C11orf65: variants seen among roughly 807,000 people sequenced by gnomAD.
C11orf65 encodes protein MFI.
C11orf65 carries 38 observed loss-of-function variants against 35.3 expected under a neutral mutation model. That is an observed-to-expected ratio of 1.08 (90% confidence interval 0.83 to 1.41). The LOEUF (loss-of-function observed/expected upper bound fraction) is 1.41, where lower values mean the gene tolerates loss of function less well. Among genes scored for constraint, C11orf65 ranks in the 40% most tolerant of loss-of-function variants. The pLI is 0.00. For missense variants in C11orf65, 370 were observed against 367.1 expected, an observed-to-expected ratio of 1.01 and a Z score of -0.06; for synonymous variants, 105 against 114.4, an observed-to-expected ratio of 0.92 and a Z score of 0.53.
Position 108,450,468 on chromosome 11 carries a change from T to C in C11orf65, c.81+11011A>G, listed in dbSNP as rs1172675895. On this transcript the variant is annotated intron_variant, in intron 2 of 8. Coordinates refer to ENST00000393084, the MANE Select transcript of C11orf65 (RefSeq NM_152587.5). ...CATAAAAAATGATGAGTTCATGACCTTTGTAGGAACATGGATAAAACTGGA... is the reference window on the plus strand; with the variant it reads ...CATAAAAAATGATGAGTTCATGACCCTTGTAGGAACATGGATAAAACTGGA... Among the ~76,000 whole-genome samples, 2 of 151,548 alleles carry C rather than the reference T, an allele frequency of 1.3e-5. 1 individual carries two copies. Among genetic ancestry groups the C allele is most frequent in the African/African-American group, 4.9e-5 (2 of 41,050 alleles).
Position 108,332,701 on chromosome 11 carries a change from C to T in C11orf65, c.300-1134G>A, listed in dbSNP as rs1414257483. ...TCTGTTTTTCTCTTTGTTTTTCTAA[C>T]TCTGAGAAGTTTAAATGTTGGGTAG... On this transcript the variant is annotated intron_variant, in intron 3 of 3. Transcript: ENST00000524755. The T allele has an allele frequency of 6.4e-6, 10 of 1,551,200 alleles. No individual in the cohort carries two copies. In the East Asian group the frequency reaches 2.3e-4, roughly 35 times the overall value.
intron 2 of C11orf65, among the ~76,000 whole-genome samples, chr11:108,371,753 G>A (rs750450376): frequency 2.0e-5 from 3 of 152,048 alleles, no homozygotes; most frequent in East Asian, 1.9e-4. Context: ...ACCCAGAAAC[G>A]GAATTGTTGG....
Position 108,315,779 on chromosome 11 carries a change from G to A in C11orf65, c.641-6708C>T, listed in dbSNP as rs185700860. On this transcript the variant is annotated intron_variant, in intron 6 of 6. Coordinates refer to the C11orf65 transcript ENST00000525729. ...TTAAAATTTGCTAAATTTATAGACCGATTTTTTTTCCTTCTTCAATTTTTG... is the reference window on the plus strand; with the variant it reads ...TTAAAATTTGCTAAATTTATAGACCAATTTTTTTTCCTTCTTCAATTTTTG... The A allele has an allele frequency of 5.6e-4, 839 of 1,508,250 alleles. 4 individuals are homozygous for A. In the African/African-American group the frequency reaches 0.01, roughly 18 times the overall value. 93.4% of individuals were successfully genotyped at this position (1,508,250 alleles called of 1,614,324 possible). A position where few individuals can be genotyped will look rare whatever the true frequency, so the allele number is the denominator to read the frequency against.
chr11:108,448,727 G>C (rs986913380), intron 2 of C11orf65, among the ~76,000 whole-genome samples: 10 of 152,166 alleles, frequency 6.6e-5, no homozygotes, highest in African/African-American at 2.4e-4. Flanking sequence ...ACGGGCACAA[G>C]ACAGGATGCC....
chr11:108,433,259 C>CTA (rs1322721113), intron 2 of C11orf65, among the ~76,000 whole-genome samples: 7 of 148,966 alleles, frequency 4.7e-5, no homozygotes, highest in African/African-American at 1.7e-4. Context: ...ATATATCTCT[C>CTA]TCTATATATA....
At chr11:108,438,735 G>C (rs1049480869) in intron 2 of C11orf65, among the ~76,000 whole-genome samples, 1 of 151,990 alleles carries the variant, frequency 6.6e-6, no homozygotes, top group Non-Finnish European at 1.5e-5. Context: ...ACTGGGTGCA[G>C]TGGCTCACGC....
intron 2 of C11orf65, among the ~76,000 whole-genome samples, chr11:108,440,910 A>G (rs1160646366): frequency 6.6e-6 from 1 of 152,192 alleles, no homozygotes; most frequent in Non-Finnish European, 1.5e-5. Context: ...AGCATGAGCA[A>G]CGCAGAAGAC....
intron 2 of C11orf65, among the ~76,000 whole-genome samples, chr11:108,353,037 T>C (rs2089401663): frequency 1.3e-5 from 2 of 152,182 alleles, no homozygotes; most frequent in South Asian, 2.1e-4. Context: ...AGTAGTAGTA[T>C]AGTTTTGCAG....
Position 108,430,897 on chromosome 11 carries a change from AACACACACACACACAC to A in C11orf65, c.174+833_174+848del, listed in dbSNP as rs10588668. On this transcript the variant is annotated intron_variant, in intron 3 of 8. Coordinates refer to ENST00000393084, the MANE Select transcript of C11orf65 (RefSeq NM_152587.5). ...AAACCCAAAACCCATAAGGATAGGGAACACACACACACACACACACACACACACACACACACACACA... is the reference window on the plus strand; with the variant it reads ...AAACCCAAAACCCATAAGGATAGGGAACACACACACACACACACACACACA... 1.7e-3 allele frequency among the ~76,000 whole-genome samples: 238 copies of A among 143,904 alleles called. 1 individual carries two copies. Among genetic ancestry groups the A allele is most frequent in the African/African-American group, 5.6e-3 (217 of 38,988 alleles). 94.4% of individuals were successfully genotyped at this position (143,904 alleles called of 152,430 possible). A position where few individuals can be genotyped will look rare whatever the true frequency, so the allele number is the denominator to read the frequency against.
downstream of C11orf65, chr11:108,382,653 C>T (rs2091889513): frequency 6.9e-6 from 3 of 432,032 alleles, no homozygotes; most frequent in South Asian, 9.7e-5. Flanking sequence ...TTTAAAGAAG[C>T]AAGGCACACT....
At chr11:108,385,171 C>T (rs1315768984) in intron 8 of C11orf65, among the ~76,000 whole-genome samples, 1 of 152,088 alleles carries the variant, frequency 6.6e-6, no homozygotes, top group African/African-American at 2.4e-5. Context: ...CCTCCCTGTT[C>T]AAACGATTCT....
intron 7 of C11orf65, among the ~76,000 whole-genome samples, chr11:108,391,783 C>T (rs954269734): frequency 2.0e-5 from 3 of 151,142 alleles, no homozygotes; most frequent in African/African-American, 4.9e-5. Flanking sequence ...CAGGAAACCA[C>T]TAATCTATTT....
rs1479499265 is a variant in C11orf65, at chr11:108,354,806, T to C, written c.227-19514A>G. On this transcript the variant is annotated intron_variant, in intron 2 of 3. Coordinates refer to the C11orf65 transcript ENST00000524755. Reference sequence around the variant, plus strand: ...AATCCGTATTTATAATGTGTTTGACTCTAGATGCTGTGAGAAAACCATGGA... The same window carrying C: ...AATCCGTATTTATAATGTGTTTGACCCTAGATGCTGTGAGAAAACCATGGA... 6.8e-6 allele frequency: 11 copies of C among 1,612,954 alleles called. No individual in the cohort carries two copies. Among genetic ancestry groups the C allele is most frequent in the East Asian group, 2.2e-5 (1 of 44,858 alleles).
chr11:108,336,180 G>A (rs1279916400), intron 2 of C11orf65: 5 of 461,602 alleles, frequency 1.1e-5, no homozygotes, highest in African/African-American at 2.0e-5. Context: ...GCATGTGCTT[G>A]TAGTCCCTTA....
chr11:108,389,856 G>A (rs1022336323), intron 7 of C11orf65, among the ~76,000 whole-genome samples: 13 of 151,578 alleles, frequency 8.6e-5, no homozygotes, highest in South Asian at 8.4e-4. Context: ...CACCACGCCC[G>A]GCTAATTTTT....
chr11:108,371,339 T>C (rs1293362473), intron 2 of C11orf65, among the ~76,000 whole-genome samples: 1 of 152,198 alleles, frequency 6.6e-6, no homozygotes, highest in African/African-American at 2.4e-5. Context: ...AGCACTTCTT[T>C]AACCTTACAA....
rs115844210 is a variant in C11orf65, at chr11:108,465,091, G to A, written c.-10+2380C>T. 4.0e-3 allele frequency among the ~76,000 whole-genome samples: 613 copies of A among 152,248 alleles called. 4 individuals are homozygous for A. The highest frequency in any genetic ancestry group is 0.014 in the African/African-American group (586 of 41,542). On this transcript the variant is annotated intron_variant, in intron 1 of 8. Coordinates refer to ENST00000393084, the MANE Select transcript of C11orf65 (RefSeq NM_152587.5). ...CAATGTAGTGTGTGTGTTATTTAACGTGACAGCATTAGCATTAATTCATCA... is the reference window on the plus strand; with the variant it reads ...CAATGTAGTGTGTGTGTTATTTAACATGACAGCATTAGCATTAATTCATCA...
intron 4 of C11orf65, 21 bp downstream of exon 4, chr11:108,407,075 T>C (rs1331153442): frequency 5.0e-6 from 8 of 1,601,940 alleles, no homozygotes; most frequent in Admixed American, 3.4e-5. Context: ...AACTACTAAA[T>C]AAGCATTCAT....
intron 2 of C11orf65, among the ~76,000 whole-genome samples, chr11:108,349,390 C>T (rs1271860984): frequency 6.6e-6 from 1 of 151,458 alleles, no homozygotes. Context: ...ATCTGCCAGG[C>T]GCGGTGGATC....
Sources: gnomAD v4.1 joint callset for allele counts (sites outside exome capture counted in the v4.1 genomes callset) on GRCh38, gnomAD v4.1.1 for gene constraint, MANE v1.5 for transcripts, NCBI Gene and HGNC (gene_info 2026-07-23, HGNC 2026-07-21) for gene names.